The following DPP10 variants were observed in gnomAD, a reference collection of about 807,000 sequenced individuals.
DPP10 encodes the protein inactive dipeptidyl peptidase 10.
A neutral mutation model predicts 120.9 loss-of-function variants in DPP10; 33 were observed. That is an observed-to-expected ratio of 0.27 (90% CI 0.21 to 0.37). The LOEUF (loss-of-function observed/expected upper bound fraction) is 0.37, where lower values mean the gene tolerates loss of function less well. Ranked by LOEUF, DPP10 falls within the 10% of genes least tolerant of loss-of-function variation. The pLI, the probability that DPP10 is intolerant of heterozygous loss-of-function variation, is 1.00. For synonymous variants in DPP10, 337 were observed against 326.1 expected (o/e 1.03, Z -0.36); for missense variants, 816 against 942.8 (o/e 0.87, Z 1.76).
At chr2:114,483,602 A>C (rs1183265497) in intron 1 of DPP10, among the ~76,000 whole-genome samples, 1 of 152,130 alleles carries the variant, frequency 6.6e-6, no homozygotes, top group East Asian at 1.9e-4. Flanking sequence ...ATGTTGACAA[A>C]GATTATCAAA....
chr2:115,475,251 C>A lies in DPP10; in HGVS notation c.272-24259C>A, dbSNP rs147032384. Reference sequence around the variant, plus strand: ...ACCTGTGCAGCCTTGGGACACTACTCCCTGCATCCCAGTCACTTCACCACT... The same window carrying A: ...ACCTGTGCAGCCTTGGGACACTACTACCTGCATCCCAGTCACTTCACCACT... On this transcript the variant is annotated intron_variant, in intron 3 of 25. Transcript: ENST00000410059. 9.2e-3 allele frequency among the ~76,000 whole-genome samples: 1,405 copies of A among 152,308 alleles called. 9 individuals carry two copies. Among genetic ancestry groups the A allele is most frequent in the Middle Eastern group, 0.024 (7 of 294 alleles).
intron 1 of DPP10, among the ~76,000 whole-genome samples, chr2:115,203,974 AT>A (rs1299045364): frequency 6.6e-6 from 1 of 152,144 alleles, no homozygotes; most frequent in African/African-American, 2.4e-5. Flanking sequence ...GAGAAACTTT[AT>A]TGTCAAATGA....
Position 114,871,068 on chromosome 2 carries a change from T to C in DPP10, c.60+428230T>C, listed in dbSNP as rs1264881138. 1.5e-5 allele frequency among the ~76,000 whole-genome samples: 2 copies of C among 134,596 alleles called. 1 individual carries two copies. The highest frequency in any genetic ancestry group is 3.2e-5 in the Non-Finnish European group (2 of 61,582). The allele number at this position is 134,596 out of a possible 152,430, so 88.3% of individuals were successfully genotyped here. ...TAATTGTCCTTTGAAAGATGGTAAA[T>C]ATATGGCTTCTCCAGTTGTGGTCTT... On this transcript the variant is annotated intron_variant, in intron 1 of 25. Transcript: ENST00000410059.
intron 3 of DPP10, among the ~76,000 whole-genome samples, chr2:115,345,260 A>T (rs551713052): frequency 1.3e-3 from 200 of 152,252 alleles, no homozygotes; most frequent in African/African-American, 4.6e-3. Context: ...TTTATTTTGA[A>T]TTGTTTATAA....
At chr2:115,425,203 T>G (rs1036548045) in intron 3 of DPP10, among the ~76,000 whole-genome samples, 1 of 152,152 alleles carries the variant, frequency 6.6e-6, no homozygotes, top group Non-Finnish European at 1.5e-5. Context: ...AGAGGAGTTA[T>G]GGGTTTGCCA....
At chr2:115,532,275 G>A (rs1472440687) in intron 5 of DPP10, among the ~76,000 whole-genome samples, 1 of 152,014 alleles carries the variant, frequency 6.6e-6, no homozygotes, top group Non-Finnish European at 1.5e-5. Context: ...TTACAGAGGA[G>A]ACAGACTTAG....
chr2:114,884,895 C>T (rs1390575022), intron 1 of DPP10, among the ~76,000 whole-genome samples: 1 of 152,122 alleles, frequency 6.6e-6, no homozygotes, highest in Non-Finnish European at 1.5e-5. Flanking sequence ...CAAAGAAAAA[C>T]TACTGCTGCA....
At chr2:115,810,115 TCG>T (rs1686465722) in intron 19 of DPP10, among the ~76,000 whole-genome samples, 1 of 149,380 alleles carries the variant, frequency 6.7e-6, no homozygotes, top group East Asian at 2.0e-4. Flanking sequence ...TGAGCCGAGA[TCG>T]CACCACTGCA....
chr2:115,795,892 T>C (rs1020857236), intron 19 of DPP10, among the ~76,000 whole-genome samples: 6 of 152,192 alleles, frequency 3.9e-5, no homozygotes, highest in African/African-American at 1.4e-4. Flanking sequence ...TTACACTTCC[T>C]TTCTTTAGTT....
chr2:115,141,858 C>T (rs2050944368), intron 1 of DPP10, among the ~76,000 whole-genome samples: 1 of 152,084 alleles, frequency 6.6e-6, no homozygotes, highest in African/African-American at 2.4e-5. Context: ...ACTGCAACAT[C>T]CACCTCCCTG....
chr2:115,734,979 A>C (rs1026690641), intron 8 of DPP10, among the ~76,000 whole-genome samples: 13 of 152,184 alleles, frequency 8.5e-5, no homozygotes, highest in African/African-American at 2.9e-4. Flanking sequence ...GGGACACAGC[A>C]GTCACCTGAA....
chr2:114,692,332 C>T (rs1699809576), intron 1 of DPP10, among the ~76,000 whole-genome samples: 1 of 151,978 alleles, frequency 6.6e-6, no homozygotes, highest in Non-Finnish European at 1.5e-5. Flanking sequence ...GCCTAAATTT[C>T]ATTGTTTACC....
At position 114,963,045 on chromosome 2, in the gene DPP10, A is replaced by T. The variant is rs374868078; in HGVS notation, c.61-346194A>T. Among the ~76,000 whole-genome samples the T allele has an allele frequency of 2.0e-4, 30 of 152,358 alleles. No individual in the cohort carries two copies. In the East Asian group the frequency reaches 3.1e-3, roughly 16 times the overall value. ...AATGTCACAAGATATATTTCTGAGC[A>T]TAACAATCACAGCATTTAAAAATAT... On this transcript the variant is annotated intron_variant, in intron 1 of 25. Coordinates refer to ENST00000410059, the MANE Select transcript of DPP10 (RefSeq NM_020868.6).
At chr2:114,824,234 C>A (rs1162120606) in intron 1 of DPP10, among the ~76,000 whole-genome samples, 6 of 152,120 alleles carry the variant, frequency 3.9e-5, no homozygotes, top group African/African-American at 1.4e-4. Flanking sequence ...AAAGAAATAT[C>A]GTCATTTCTC....
intron 5 of DPP10, among the ~76,000 whole-genome samples, chr2:115,534,263 C>T (rs532853699): frequency 2.6e-5 from 4 of 152,156 alleles, no homozygotes; most frequent in Non-Finnish European, 4.4e-5. Flanking sequence ...CTCCCCACTC[C>T]CGGCACCCCA....
At chr2:115,041,041 C>G (rs62164492) in intron 1 of DPP10, among the ~76,000 whole-genome samples, 14,074 of 150,932 alleles carry the variant, frequency 0.093, 922 homozygotes, top group Non-Finnish European at 0.13. Context: ...ATCACTTGAA[C>G]CCGGGAAGCA....
chr2:114,772,370 G>A (rs1462472209), intron 1 of DPP10, among the ~76,000 whole-genome samples: 1 of 152,002 alleles, frequency 6.6e-6, no homozygotes, highest in East Asian at 1.9e-4. Context: ...ATGTTGACCA[G>A]GCTGGTCTCG....
chr2:115,825,896 G>A (rs893250834), intron 21 of DPP10, among the ~76,000 whole-genome samples: 20 of 152,090 alleles, frequency 1.3e-4, no homozygotes, highest in South Asian at 2.1e-4. Context: ...CCAATGAGCT[G>A]GGCAGAAGAG....
At chr2:114,497,245 G>A (rs1422861596) in intron 1 of DPP10, among the ~76,000 whole-genome samples, 1 of 85,206 alleles carries the variant, frequency 1.2e-5, no homozygotes, top group Non-Finnish European at 2.8e-5. Flanking sequence ...GTATACATGT[G>A]TATGCATGTA....
Sources: gnomAD v4.1 joint callset for allele counts (sites outside exome capture counted in the v4.1 genomes callset) on GRCh38, gnomAD v4.1.1 for gene constraint, MANE v1.5 for transcripts, NCBI Gene and HGNC (gene_info 2026-07-23, HGNC 2026-07-21) for gene names.